PCDHGA1: variants seen among roughly 807,000 people sequenced by gnomAD.
The protein encoded by PCDHGA1 is protocadherin gamma-A1.
A neutral mutation model predicts 58.0 loss-of-function variants in PCDHGA1; 32 were observed. The observed-to-expected ratio is 0.55, with a 90% CI of 0.42 to 0.74. The LOEUF is 0.74. Ranked by LOEUF, PCDHGA1 falls within the 30% of genes least tolerant of loss-of-function variation. The pLI is 0.00. For synonymous variants in PCDHGA1, 498 were observed against 501.1 expected (o/e 0.99, Z 0.08); for missense variants, 1,205 against 1,182.3 (o/e 1.02, Z -0.28).
intron 1 of PCDHGA1, chr5:141,340,084 A>G (rs1756904753): frequency 1.9e-6 from 3 of 1,614,094 alleles, no homozygotes; most frequent in South Asian, 1.1e-5. Context: ...TTTTTAATGT[A>G]CATGATAGAG....
Position 141,332,003 on chromosome 5 carries a change from T to C in PCDHGA1, c.1319T>C (p.Leu440Pro). 1 of 1,614,172 alleles carries C rather than the reference T, an allele frequency of 6.2e-7. No homozygotes were observed. The highest frequency in any genetic ancestry group is 8.5e-7 in the Non-Finnish European group (1 of 1,180,032). Residue 440 changes from leucine to proline, a missense_variant, in exon 1 of 4, where the codon CTA (leucine) becomes CCA (proline). Transcript: ENST00000517417. The surrounding 1 kb of genome is among the most constrained non-coding windows in gnomAD (Gnocchi z 4.6). ...CTATCTACTGAAACTCACATTTCACTACTAGTGACAGATATCAATGACAAC... is the reference window on the plus strand; with the variant it reads ...CTATCTACTGAAACTCACATTTCACCACTAGTGACAGATATCAATGACAAC... ...PALSTETHIS[L>P]LVTDINDNSP...
intron 1 of PCDHGA1, among the ~76,000 whole-genome samples, chr5:141,337,481 G>A (rs537520199): frequency 2.0e-5 from 3 of 152,262 alleles, no homozygotes; most frequent in Admixed American, 1.3e-4. Context: ...CAATATGGAC[G>A]AACTTCAAAG....
At chr5:141,438,591 C>CATATATATATATAT (rs946798767) in intron 1 of PCDHGA1, among the ~76,000 whole-genome samples, 3 of 75,556 alleles carry the variant, frequency 4.0e-5, no homozygotes, top group Non-Finnish European at 8.0e-5. Context: ...TACATACATA[C>CATATATATATATAT]ATATATATAT....
intron 1 of PCDHGA1, chr5:141,356,283 C>T: frequency 1.3e-6 from 2 of 1,557,262 alleles, no homozygotes; most frequent in Non-Finnish European, 1.7e-6. Flanking sequence ...AATCTTCTTC[C>T]CCGGGTACAG....
At chr5:141,392,665 T>C (rs1169450587) in intron 1 of PCDHGA1, 3 of 818,380 alleles carry the variant, frequency 3.7e-6, no homozygotes, top group Non-Finnish European at 5.4e-6. Context: ...TGCCACAAAC[T>C]AACTGCTGGA....
At chr5:141,395,516 G>A (rs1402459220) in intron 1 of PCDHGA1, 1 of 407,820 alleles carries the variant, frequency 2.5e-6, no homozygotes, top group Non-Finnish European at 4.4e-6. Context: ...GTAGCTACCC[G>A]TCCATACTGG....
chr5:141,436,140 A>G (rs1324666699), intron 1 of PCDHGA1, among the ~76,000 whole-genome samples: 2 of 152,224 alleles, frequency 1.3e-5, no homozygotes, highest in Non-Finnish European at 2.9e-5. Flanking sequence ...TCTTGTATGA[A>G]CTACCAAAAT....
chr5:141,485,511 C>G lies in PCDHGA1; in HGVS notation c.2422-9296C>G, dbSNP rs1168331122. The G allele has an allele frequency of 1.2e-6, 2 of 1,614,042 alleles. No individual in the cohort carries two copies. Among genetic ancestry groups the G allele is most frequent in the Non-Finnish European group, 1.7e-6 (2 of 1,180,038 alleles). On this transcript the variant is annotated intron_variant, in intron 1 of 3. Transcript: ENST00000517417. The surrounding 1 kb of genome is among the most constrained non-coding windows in gnomAD (Gnocchi z 5.7). Reference sequence around the variant, plus strand: ...CCCCTGGAGTTTGTCACCGAAGGTCCTTTGGAAATGTACCGAGCAGAGGTA... The same window carrying G: ...CCCCTGGAGTTTGTCACCGAAGGTCGTTTGGAAATGTACCGAGCAGAGGTA...
chr5:141,398,812 C>A, intron 1 of PCDHGA1: 1 of 1,613,942 alleles, frequency 6.2e-7, no homozygotes, highest in South Asian at 1.1e-5. Context: ...CACTGAGCTC[C>A]GGATCCAGGT....
chr5:141,502,246 T>A (rs1449536622), intron 2 of PCDHGA1, among the ~76,000 whole-genome samples: 1 of 152,206 alleles, frequency 6.6e-6, no homozygotes, highest in African/African-American at 2.4e-5. Flanking sequence ...TTTATCCTTT[T>A]TTTTAATCCA....
At chr5:141,374,404 C>T (rs1383124731) in intron 1 of PCDHGA1, 2 of 1,613,916 alleles carry the variant, frequency 1.2e-6, no homozygotes, top group South Asian at 1.1e-5. Context: ...TGAGTTTTAA[C>T]ATCCTTGTCG....
intron 1 of PCDHGA1, chr5:141,355,800 A>G (rs759729781): frequency 1.2e-6 from 2 of 1,613,580 alleles, no homozygotes; most frequent in East Asian, 4.5e-5. Flanking sequence ...AACGCGCTCT[A>G]GATCGCGAGG....
At chr5:141,418,127 A>T in intron 1 of PCDHGA1, 1 of 1,614,104 alleles carries the variant, frequency 6.2e-7, no homozygotes, top group Non-Finnish European at 8.5e-7. Context: ...GAAGGACCGA[A>T]TAGACCGTGA....
At chr5:141,333,189 A>G (rs1282575601) in intron 1 of PCDHGA1, 84 bp downstream of exon 1, 1 of 1,586,028 alleles carries the variant, frequency 6.3e-7, no homozygotes, top group Non-Finnish European at 8.6e-7. Flanking sequence ...TTTGCTACAG[A>G]TAGTTCTTCT....
chr5:141,403,109 G>A (rs754708762), intron 1 of PCDHGA1: 3 of 1,614,074 alleles, frequency 1.9e-6, no homozygotes. Context: ...CAAGGACCTG[G>A]CTCTGGAGCC....
intron 1 of PCDHGA1, among the ~76,000 whole-genome samples, chr5:141,381,235 C>T (rs760639728): frequency 6.6e-6 from 1 of 152,270 alleles, no homozygotes; most frequent in Non-Finnish European, 1.5e-5. Context: ...ACCAACTACT[C>T]TCCAGGACCT....
Position 141,365,063 on chromosome 5 carries a change from T to C in PCDHGA1, c.2421+31958T>C, listed in dbSNP as rs757924486. On this transcript the variant is annotated intron_variant, in intron 1 of 3. Coordinates refer to ENST00000517417, the MANE Select transcript of PCDHGA1 (RefSeq NM_018912.3). ...CGACAATGCGCCCCTGTTCACCCCATCCGAGTACAGCGTGAGTGTTCCAGA... is the reference window on the plus strand; with the variant it reads ...CGACAATGCGCCCCTGTTCACCCCACCCGAGTACAGCGTGAGTGTTCCAGA... The C allele has an allele frequency of 6.8e-6, 11 of 1,613,692 alleles. No homozygotes were observed. Among genetic ancestry groups the C allele is most frequent in the Non-Finnish European group, 9.3e-6 (11 of 1,179,886 alleles).
chr5:141,336,124 A>G (rs540654282), intron 1 of PCDHGA1, among the ~76,000 whole-genome samples: 81 of 152,336 alleles, frequency 5.3e-4, no homozygotes, highest in African/African-American at 1.9e-3. Flanking sequence ...TTGAAATGCA[A>G]CCATGGAAGA....
At chr5:141,390,123 C>T in intron 1 of PCDHGA1, 1 of 1,614,008 alleles carries the variant, frequency 6.2e-7, no homozygotes, top group Non-Finnish European at 8.5e-7. Context: ...GGGGACTTTG[C>T]CTTATTCCTA....
Sources: gnomAD v4.1 joint callset for allele counts (sites outside exome capture counted in the v4.1 genomes callset) on GRCh38, gnomAD v4.1.1 for gene constraint, Gnocchi (gnomAD v3.1) non-coding constraint, MANE v1.5 for transcripts, NCBI Gene and HGNC (gene_info 2026-07-23, HGNC 2026-07-21) for gene names.